Variants in ACACA observed in about 807,000 individuals in gnomAD.
ACACA encodes acetyl-CoA carboxylase 1.
ACACA carries 103 observed loss-of-function variants against 296.1 expected under a neutral mutation model. The ratio of observed to expected loss-of-function variants is 0.35; its 90% CI spans 0.30 to 0.41. ACACA has a LOEUF of 0.41. ACACA is among the 10% of genes least tolerant of loss of function. The pLI is 1.00. For missense variants in ACACA, 1,554 were observed against 2,989.7 expected (o/e 0.52, Z 11.20); for synonymous variants, 953 against 1,038.6 (o/e 0.92, Z 1.58).
In ACACA at chr17:37,125,749, A is replaced by T. The variant is rs1429867356; in HGVS notation, c.5990T>A (p.Phe1997Tyr). ...WLSGFFDYGS[F>Y]SEIMQPWAQT... ...TGCCCAGGGCTGCATAATCTCTGAG[A>T]AAGATCCATAGTCAAAAAAGCCACT... The change falls in exon 48 of 56, where the codon TTC becomes TAC. Residue 1997 changes from phenylalanine to tyrosine, a missense_variant. This residue lies in a region of ACACA where 553 missense variants were observed against 1,043.6 expected (regional missense o/e 0.53). Coordinates refer to ENST00000616317, the MANE Select transcript of ACACA (RefSeq NM_198834.3). 5 of 1,613,982 alleles carry T rather than the reference A, an allele frequency of 3.1e-6. No individual in the cohort carries two copies. Among genetic ancestry groups the T allele is most frequent in the Non-Finnish European group, 4.2e-6 (5 of 1,180,008 alleles).
intron 2 of ACACA, among the ~76,000 whole-genome samples, chr17:37,338,155 TAA>T (rs202020897): frequency 0.13 from 18,210 of 135,372 alleles, 1,712 homozygotes; most frequent in East Asian, 0.46. Flanking sequence ...GAATCAAATA[TAA>T]AAGTATGATG....
At chr17:37,119,431 C>A (rs2074411337) in intron 50 of ACACA, among the ~76,000 whole-genome samples, 1 of 151,918 alleles carries the variant, frequency 6.6e-6, no homozygotes, top group South Asian at 2.1e-4. Flanking sequence ...CATGGTATTT[C>A]CACTAATTTA....
chr17:37,134,778 G>T (rs957808414), intron 45 of ACACA, among the ~76,000 whole-genome samples: 19 of 152,234 alleles, frequency 1.2e-4, no homozygotes, highest in African/African-American at 4.6e-4. Flanking sequence ...TTCTTATTAG[G>T]ACATTTCCAT....
intron 1 of ACACA, among the ~76,000 whole-genome samples, chr17:37,385,458 G>C (rs1486117399): frequency 6.6e-6 from 1 of 151,986 alleles, no homozygotes; most frequent in African/African-American, 2.4e-5. Flanking sequence ...GGGTGACAGA[G>C]GGGGACCCTG....
At chr17:37,325,865 C>T (rs766059514) in intron 3 of ACACA, among the ~76,000 whole-genome samples, 4 of 151,808 alleles carry the variant, frequency 2.6e-5, no homozygotes, top group South Asian at 4.2e-4. Context: ...TGAGCCACCA[C>T]GCCCAGCCAG....
chr17:37,326,206 CA>C (rs773519168), intron 3 of ACACA, among the ~76,000 whole-genome samples: 3,888 of 61,874 alleles, frequency 0.063, 124 homozygotes, highest in African/African-American at 0.16. Flanking sequence ...AAGACTGTCT[CA>C]AAAAAAAAAA....
intron 1 of ACACA, among the ~76,000 whole-genome samples, chr17:37,358,627 C>T (rs2049255792): frequency 6.6e-6 from 1 of 152,182 alleles, no homozygotes; most frequent in Non-Finnish European, 1.5e-5. Flanking sequence ...AGCCCAGAAT[C>T]GGATTGGAGA....
intron 3 of ACACA, among the ~76,000 whole-genome samples, chr17:37,300,296 T>C (rs1171256341): frequency 1.3e-5 from 2 of 152,158 alleles, no homozygotes; most frequent in Non-Finnish European, 2.9e-5. Context: ...CTTAAAGAAA[T>C]AAACACTAGC....
At chr17:37,243,901 A>G (rs1393619885) in intron 21 of ACACA, among the ~76,000 whole-genome samples, 1 of 152,194 alleles carries the variant, frequency 6.6e-6, no homozygotes. Flanking sequence ...TTCAATAGAT[A>G]TGGGGTCTTG....
intron 1 of ACACA, among the ~76,000 whole-genome samples, chr17:37,359,584 G>T (rs989667778): frequency 3.3e-5 from 5 of 152,196 alleles, no homozygotes; most frequent in Non-Finnish European, 7.4e-5. Context: ...AGGGACAGAG[G>T]CGTCCCAAGT....
chr17:37,202,717 A>ATG (rs2078319432), intron 33 of ACACA, among the ~76,000 whole-genome samples: 1 of 3,696 alleles, frequency 2.7e-4, no homozygotes, highest in African/African-American at 9.2e-4. Context: ...ATATATACAC[A>ATG]CACACATATA....
chr17:37,202,892 G>A (rs1273604147), intron 33 of ACACA, among the ~76,000 whole-genome samples: 2 of 150,658 alleles, frequency 1.3e-5, no homozygotes, highest in Non-Finnish European at 3.0e-5. Flanking sequence ...TCCACACCTA[G>A]TCAAGGAAAA....
intron 8 of ACACA, among the ~76,000 whole-genome samples, chr17:37,275,195 T>C (rs955006491): frequency 7.2e-5 from 11 of 151,906 alleles, no homozygotes; most frequent in African/African-American, 2.7e-4. Flanking sequence ...AGATTGTGGG[T>C]TGATATCAAG....
At chr17:37,133,160 C>T (rs752040367) in intron 45 of ACACA, among the ~76,000 whole-genome samples, 9 of 152,134 alleles carry the variant, frequency 5.9e-5, no homozygotes, top group Non-Finnish European at 1.2e-4. Context: ...CACTCTCTGA[C>T]CAGCCTTATC....
intron 8 of ACACA, chr17:37,274,725 G>A (rs1039073022): frequency 8.4e-6 from 8 of 951,032 alleles, no homozygotes; most frequent in African/African-American, 1.8e-5. Flanking sequence ...ATTGGCCTCA[G>A]CAGAGTCATG....
At chr17:37,129,342 G>A (rs770583748) in intron 47 of ACACA, 23 bp downstream of exon 47, 4 of 1,613,660 alleles carry the variant, frequency 2.5e-6, no homozygotes, top group Non-Finnish European at 3.4e-6. Flanking sequence ...CAGGTACCAT[G>A]GGGTCCTCAA....
chr17:37,269,599 AT>A (rs1314920512), intron 10 of ACACA, among the ~76,000 whole-genome samples: 2 of 152,218 alleles, frequency 1.3e-5, no homozygotes, highest in Non-Finnish European at 2.9e-5. Flanking sequence ...TACTGAATGC[AT>A]TATCACTTGC....
rs1439397277 is a variant in ACACA, at chr17:37,151,421, C to T, written c.5448G>A (p.Arg1816=). The T allele has an allele frequency of 1.2e-6, 2 of 1,613,610 alleles. No individual in the cohort carries two copies. Among genetic ancestry groups the T allele is most frequent in the Non-Finnish European group, 1.7e-6 (2 of 1,179,844 alleles). ...CEHVEDEGES[R]YKITDIIGKE... is the part of the protein sequence containing the mutation. ...TCCCAATAATATCTGTTATCTTGTACCTATTGGATATGGCCATGTCAAATT... is the reference window on the plus strand; with the variant it reads ...TCCCAATAATATCTGTTATCTTGTATCTATTGGATATGGCCATGTCAAATT... Residue 1816 remains arginine, a splice_region_variant and synonymous_variant, in exon 44 of 56, where the codon AGG becomes AGA. Coordinates refer to ENST00000616317, the MANE Select transcript of ACACA (RefSeq NM_198834.3).
chr17:37,129,481 A>G lies in ACACA; in HGVS notation c.5828T>C (p.Val1943Ala). The G allele has an allele frequency of 6.2e-7, 1 of 1,614,010 alleles. No individual in the cohort carries two copies. Among genetic ancestry groups the G allele is most frequent in the Non-Finnish European group, 8.5e-7 (1 of 1,179,942 alleles). The change falls in exon 47 of 56, where the codon GTG (valine) becomes GCG (alanine). Residue 1943 changes from valine (V) to alanine (A), a missense_variant. Val to Ala is a moderately conservative substitution (Grantham distance 64). Transcript: ENST00000616317. ...LHWLSYMPKSVHSSVPLLNSK... is the reference protein window; with the variant it reads ...LHWLSYMPKSAHSSVPLLNSK... ...GTTCAGAAGAGGAACTGAACTGTGC[A>G]CGCTCTAAAAGGAGATTGGAAGAGA...
Sources: gnomAD v4.1 joint callset for allele counts (sites outside exome capture counted in the v4.1 genomes callset) on GRCh38, gnomAD v4.1.1 for gene constraint, gnomAD v4.1.1 regional missense constraint, MANE v1.5 for transcripts, NCBI Gene and HGNC (gene_info 2026-07-23, HGNC 2026-07-21) for gene names.